TMEM132B: variants seen among roughly 807,000 people sequenced by gnomAD.
TMEM132B encodes transmembrane protein 132B.
TMEM132B carries 18 observed loss-of-function variants against 90.8 expected under a neutral mutation model. The observed-to-expected ratio is 0.20, with a 90% CI of 0.14 to 0.29. The LOEUF (loss-of-function observed/expected upper bound fraction) is 0.29. Among genes scored for constraint, TMEM132B ranks in the 10% least tolerant of loss-of-function variants. The pLI is 1.00. For missense variants in TMEM132B, 1,096 were observed against 1,326.8 expected (o/e 0.83, Z 2.70); for synonymous variants, 504 against 523.3 (o/e 0.96, Z 0.50).
intron 5 of TMEM132B, among the ~76,000 whole-genome samples, chr12:125,617,607 A>G (rs1164530234): frequency 1.3e-5 from 2 of 152,066 alleles, no homozygotes; most frequent in Non-Finnish European, 1.5e-5. Context: ...GGCCTCCCAA[A>G]GTGCTGGGAT....
intron 5 of TMEM132B, among the ~76,000 whole-genome samples, chr12:125,616,969 A>G (rs1235938104): frequency 6.6e-6 from 1 of 152,204 alleles, no homozygotes; most frequent in African/African-American, 2.4e-5. Flanking sequence ...ATCCACTAAT[A>G]ACCAAGTCTG....
At chr12:125,226,756 T>C (rs80131194) in intron 1 of TMEM132B, among the ~76,000 whole-genome samples, 9,361 of 152,276 alleles carry the variant, frequency 0.061, 433 homozygotes, top group Non-Finnish European at 0.091. Flanking sequence ...TTTATTGGAT[T>C]GGTCATTCCT....
At chr12:125,336,544 TGAAA>T (rs1225987848) in intron 1 of TMEM132B, among the ~76,000 whole-genome samples, 2 of 152,208 alleles carry the variant, frequency 1.3e-5, no homozygotes, top group Admixed American at 1.3e-4. Context: ...TTCTGGGAAA[TGAAA>T]GAATCATTTT....
In TMEM132B at chr12:125,439,039, A is replaced by G. The variant is rs577520315; in HGVS notation, c.1106+23362A>G. ...CCTATTCTTACACACAAAATCTTCA[A>G]TAATTGTTTTGGTTACCGTAGCCCT... On this transcript the variant is annotated intron_variant, in intron 3 of 8. Transcript: ENST00000682704. Among the ~76,000 whole-genome samples, 454 of 152,242 alleles carry G rather than the reference A, an allele frequency of 3.0e-3. 1 individual carries two copies. The highest frequency in any genetic ancestry group is 0.01 in the African/African-American group (428 of 41,558).
chr12:125,399,311 A>G (rs574810273), intron 2 of TMEM132B, among the ~76,000 whole-genome samples: 97 of 152,184 alleles, frequency 6.4e-4, no homozygotes, highest in Non-Finnish European at 1.2e-3. Context: ...ATACACATAC[A>G]TATGGCATGT....
chr12:125,570,360 A>G (rs996453845), intron 4 of TMEM132B, among the ~76,000 whole-genome samples: 8 of 152,170 alleles, frequency 5.3e-5, no homozygotes, highest in African/African-American at 7.2e-5. Flanking sequence ...GTGACCCTCA[A>G]TCGTGTCAGT....
At chr12:125,201,211 T>C (rs934924326) in intron 1 of TMEM132B, among the ~76,000 whole-genome samples, 1 of 152,196 alleles carries the variant, frequency 6.6e-6, no homozygotes, top group South Asian at 2.1e-4. Flanking sequence ...GGTGTCGGCC[T>C]TGCTGTTTGC....
chr12:125,249,568 GA>G (rs1298529518), intron 1 of TMEM132B, among the ~76,000 whole-genome samples: 1 of 152,208 alleles, frequency 6.6e-6, no homozygotes. Flanking sequence ...GATGAAGATG[GA>G]GATGATGTAA....
intron 1 of TMEM132B, among the ~76,000 whole-genome samples, chr12:125,224,721 A>G (rs1010442446): frequency 6.6e-6 from 1 of 152,218 alleles, no homozygotes; most frequent in African/African-American, 2.4e-5. Context: ...ATCTGATGCC[A>G]TTTCTTTTAG....
Position 125,644,056 on chromosome 12 carries a change from G to T in TMEM132B, c.1438-20G>T. 6.2e-7 allele frequency: 1 copy of T among 1,612,494 alleles called. No homozygotes were observed. The highest frequency in any genetic ancestry group is 1.3e-5 in the African/African-American group (1 of 74,994). On this transcript the variant is annotated intron_variant, in intron 5 of 8. Transcript: ENST00000682704. ...GCTTTTCCTACTGATGCATCTCAAGGTTCTACCTCCTTCCCAAAGGTTTCC... is the reference window on the plus strand; with the variant it reads ...GCTTTTCCTACTGATGCATCTCAAGTTTCTACCTCCTTCCCAAAGGTTTCC...
chr12:125,446,348 A>T (rs1234962025), intron 3 of TMEM132B, among the ~76,000 whole-genome samples: 1 of 152,176 alleles, frequency 6.6e-6, no homozygotes, highest in Non-Finnish European at 1.5e-5. Context: ...TGAGCTATTT[A>T]TATATTAAGG....
intron 3 of TMEM132B, among the ~76,000 whole-genome samples, chr12:125,509,972 A>G (rs1253030283): frequency 6.6e-6 from 1 of 152,216 alleles, no homozygotes; most frequent in Non-Finnish European, 1.5e-5. Flanking sequence ...TTTATGTAAC[A>G]AGCGTTTTCC....
intron 3 of TMEM132B, among the ~76,000 whole-genome samples, chr12:125,505,166 CAAAAA>C (rs71306287): frequency 3.5e-5 from 1 of 28,586 alleles, no homozygotes; most frequent in Non-Finnish European, 7.1e-5. Context: ...CACCAGAGGA[CAAAAA>C]AAAAAAAAAA....
Position 125,649,427 on chromosome 12 carries a change from TGGGCCCTGCCTCG to T in TMEM132B, c.1644-1253_1644-1241del, listed in dbSNP as rs1237148713. Among the ~76,000 whole-genome samples the T allele has an allele frequency of 2.0e-5, 3 of 152,342 alleles. No homozygotes were observed. The East Asian group carries it at 5.8e-4, about 29-fold the overall frequency. ...TGATGGGGCAGCTGGTCTGGCTGTG[TGGGCCCTGCCTCG>T]GGAGACAACCAGCTGTGTGGCCCTG... On this transcript the variant is annotated intron_variant, in intron 6 of 8. Transcript: ENST00000682704.
intron 3 of TMEM132B, among the ~76,000 whole-genome samples, chr12:125,515,060 G>A (rs849343): frequency 0.29 from 44,670 of 152,026 alleles, 7,828 homozygotes; most frequent in African/African-American, 0.45. Context: ...AGGAAGGTGT[G>A]TGCTCTAGCT....
intron 4 of TMEM132B, among the ~76,000 whole-genome samples, chr12:125,576,985 A>T (rs1190630240): frequency 6.7e-5 from 10 of 149,168 alleles, no homozygotes; most frequent in Admixed American, 6.0e-4. Flanking sequence ...TTTTTAAATT[A>T]GGGTAATACT....
intron 1 of TMEM132B, among the ~76,000 whole-genome samples, chr12:125,294,033 C>T (rs867999475): frequency 6.6e-6 from 1 of 152,204 alleles, no homozygotes. Flanking sequence ...AGCCAGCAAG[C>T]CTAGAGGTGA....
At chr12:125,441,337 A>G (rs1179080112) in intron 3 of TMEM132B, among the ~76,000 whole-genome samples, 1 of 152,256 alleles carries the variant, frequency 6.6e-6, no homozygotes, top group Non-Finnish European at 1.5e-5. Context: ...GAGTATTTCT[A>G]TATGATTAAT....
chr12:125,349,192 C>T lies in TMEM132B; in HGVS notation c.68-260C>T, dbSNP rs1234046693. 6.6e-6 allele frequency among the ~76,000 whole-genome samples: 1 copy of T among 152,142 alleles called. No individual in the cohort carries two copies. Among genetic ancestry groups the T allele is most frequent in the Non-Finnish European group, 1.5e-5 (1 of 68,024 alleles). On this transcript the variant is annotated intron_variant, in intron 1 of 8. Coordinates refer to ENST00000682704, the MANE Select transcript of TMEM132B (RefSeq NM_001366854.1). The surrounding 1 kb of genome is among the most constrained non-coding windows in gnomAD (Gnocchi z 4.1). The stretch of plus-strand genomic sequence containing the variant: ...GCACAAGCAGCAGAAGCAATGTTTT[C>T]CCTTTAGAAAGATAACTGTTCACCC...
Sources: gnomAD v4.1 joint callset for allele counts (sites outside exome capture counted in the v4.1 genomes callset) on GRCh38, gnomAD v4.1.1 for gene constraint, Gnocchi (gnomAD v3.1) non-coding constraint, MANE v1.5 for transcripts, NCBI Gene and HGNC (gene_info 2026-07-23, HGNC 2026-07-21) for gene names.